Variants in CYP4X1 observed in about 807,000 individuals in gnomAD.
CYP4X1 encodes the protein cytochrome P450 4X1.
CYP4X1 carries 44 observed loss-of-function variants against 57.9 expected under a neutral mutation model. That is an observed-to-expected ratio of 0.76 (90% CI 0.60 to 0.98). The LOEUF (loss-of-function observed/expected upper bound fraction) is 0.98. Ranked by LOEUF, CYP4X1 falls within the 50% of genes least tolerant of loss-of-function variation. The probability of loss-of-function intolerance (pLI) is 0.00; values close to 1 mark genes in which losing one functional copy is unlikely to be tolerated. For synonymous variants in CYP4X1, 227 were observed against 228.6 expected (o/e 0.99, Z 0.06); for missense variants, 532 against 623.9 (o/e 0.85, Z 1.57).
chr1:46,999,056 G>C, the CYP4X1 span, among the ~76,000 whole-genome samples: 1 of 151,584 alleles, frequency 6.6e-6, no homozygotes. Flanking sequence ...GTGTGTGTGT[G>C]TGTGTGTGTG....
downstream of CYP4X1, among the ~76,000 whole-genome samples, chr1:47,051,276 G>A (rs982787359): frequency 1.3e-5 from 2 of 151,866 alleles, no homozygotes; most frequent in African/African-American, 2.4e-5. Flanking sequence ...CTTTTACACT[G>A]TTGGTGGCAG....
chr1:47,031,365 G>A (rs11211420), intron 2 of CYP4X1, 71 bp from the exon 3 acceptor site: 136,551 of 1,562,342 alleles, frequency 0.087, 6,559 homozygotes, highest in East Asian at 0.22. Flanking sequence ...GCAGAAAACC[G>A]TCACCAACTT....
intron 6 of CYP4X1, among the ~76,000 whole-genome samples, chr1:47,038,136 C>T (rs934242914): frequency 1.3e-5 from 2 of 152,112 alleles, no homozygotes; most frequent in African/African-American, 4.8e-5. Context: ...CAGAAAAATT[C>T]AGCAGAAAGT....
the CYP4X1 span, chr1:46,967,823 T>A: frequency 7.6e-7 from 1 of 1,323,370 alleles, no homozygotes; most frequent in Non-Finnish European, 9.9e-7. Context: ...GTCAGGGCCA[T>A]GGCCACCTTT....
chr1:46,990,136 T>C, the CYP4X1 span, among the ~76,000 whole-genome samples: 1 of 152,214 alleles, frequency 6.6e-6, no homozygotes, highest in Non-Finnish European at 1.5e-5. Context: ...GAGAAAATTT[T>C]TGCAATCTGT....
At chr1:46,971,987 T>C in the CYP4X1 span, among the ~76,000 whole-genome samples, 1 of 152,344 alleles carries the variant, frequency 6.6e-6, no homozygotes, top group Non-Finnish European at 1.5e-5. Flanking sequence ...GCTTTTAGAG[T>C]CTTCATCATA....
chr1:46,993,354 C>T, the CYP4X1 span, among the ~76,000 whole-genome samples: 1 of 152,046 alleles, frequency 6.6e-6, no homozygotes, highest in African/African-American at 2.4e-5. Flanking sequence ...TAGGTTGGTT[C>T]CAAGTCTTTG....
chr1:47,034,382 A>G (rs1242573130), intron 4 of CYP4X1, among the ~76,000 whole-genome samples: 1 of 152,210 alleles, frequency 6.6e-6, no homozygotes, highest in East Asian at 1.9e-4. Flanking sequence ...AACGAGTTCT[A>G]TTCCAAAACT....
At chr1:46,988,012 GAAGGC>G in the CYP4X1 span, among the ~76,000 whole-genome samples, 8 of 152,268 alleles carry the variant, frequency 5.3e-5, no homozygotes, top group Non-Finnish European at 5.9e-5. Context: ...AAAGCTAGCA[GAAGGC>G]AAGAAATAAC....
At chr1:46,980,415 T>G in the CYP4X1 span, among the ~76,000 whole-genome samples, 1 of 152,092 alleles carries the variant, frequency 6.6e-6, no homozygotes, top group Non-Finnish European at 1.5e-5. Context: ...GAATCCAACT[T>G]ACAAGGGATG....
the CYP4X1 span, among the ~76,000 whole-genome samples, chr1:46,983,535 C>T: frequency 6.6e-6 from 1 of 152,214 alleles, no homozygotes; most frequent in Non-Finnish European, 1.5e-5. Context: ...TGCAGAGCCG[C>T]CACTGACTGA....
the CYP4X1 span, among the ~76,000 whole-genome samples, chr1:47,005,464 T>C: frequency 1.3e-5 from 2 of 152,198 alleles, no homozygotes; most frequent in African/African-American, 4.8e-5. Flanking sequence ...TATTGGATTA[T>C]CTATTGGGGC....
At chr1:47,048,092 A>G (rs1427560887) in intron 9 of CYP4X1, among the ~76,000 whole-genome samples, 4 of 146,078 alleles carry the variant, frequency 2.7e-5, no homozygotes, top group Non-Finnish European at 6.0e-5. Context: ...AAAAAAAAAA[A>G]GAGAGAGATA....
the CYP4X1 span, among the ~76,000 whole-genome samples, chr1:46,980,743 C>T: frequency 6.6e-6 from 1 of 152,106 alleles, no homozygotes; most frequent in Non-Finnish European, 1.5e-5. Flanking sequence ...TACAAGGCTA[C>T]AGTAAACAAA....
intron 6 of CYP4X1, among the ~76,000 whole-genome samples, chr1:47,036,387 C>CATATAT (rs1198642261): frequency 1.5e-5 from 2 of 134,698 alleles, no homozygotes; most frequent in African/African-American, 5.4e-5. Context: ...TATATATATA[C>CATATAT]ACTATTTTTA....
intron 8 of CYP4X1, among the ~76,000 whole-genome samples, chr1:47,044,653 C>T (rs2148514770): frequency 6.6e-6 from 1 of 152,274 alleles, no homozygotes; most frequent in Admixed American, 6.5e-5. Flanking sequence ...GGAGAATTCA[C>T]ATTAGCATTT....
the CYP4X1 span, among the ~76,000 whole-genome samples, chr1:46,987,797 C>A: frequency 3.9e-5 from 6 of 152,164 alleles, no homozygotes; most frequent in South Asian, 1.0e-3. Flanking sequence ...GGGTACATAA[C>A]AAAATTGAGG....
At chr1:47,020,420 T>G (rs145164742), upstream of CYP4X1, among the ~76,000 whole-genome samples, 12 of 152,320 alleles carry the variant, frequency 7.9e-5, no homozygotes, top group Non-Finnish European at 1.3e-4. Flanking sequence ...CTACAAAACT[T>G]TTTTCACATT....
chr1:47,022,872 G>GA (rs1238040052), upstream of CYP4X1, among the ~76,000 whole-genome samples: 1 of 152,202 alleles, frequency 6.6e-6, no homozygotes, highest in Admixed American at 6.5e-5. Flanking sequence ...GAGGTGGGGG[G>GA]AGACACCAGC....
Sources: gnomAD v4.1 joint callset for allele counts (sites outside exome capture counted in the v4.1 genomes callset) on GRCh38, gnomAD v4.1.1 for gene constraint, MANE v1.5 for transcripts, NCBI Gene and HGNC (gene_info 2026-07-23, HGNC 2026-07-21) for gene names.